Variants in FOXR1 observed in about 807,000 individuals in gnomAD.
FOXR1 encodes the protein forkhead box R1, also known as forkhead box protein R1.
A neutral mutation model predicts 34.5 loss-of-function variants in FOXR1; 25 were observed. The observed-to-expected ratio is 0.72, with a 90% confidence interval of 0.53 to 1.01. FOXR1 has a LOEUF of 1.01. FOXR1 is among the 50% of genes least tolerant of loss of function. The pLI, the probability that FOXR1 is intolerant of heterozygous loss-of-function variation, is 0.00. For missense variants in FOXR1, 373 were observed against 376.2 expected (o/e 0.99, Z 0.07); for synonymous variants, 153 against 141.6 (o/e 1.08, Z -0.57).
At position 118,979,281 on chromosome 11, in the gene FOXR1, C is replaced by G. The variant is rs562857786; in HGVS notation, c.384+77C>G. The G allele has an allele frequency of 2.7e-6, 4 of 1,499,326 alleles. No homozygotes were observed. The South Asian group carries it at 5.5e-5, about 21-fold the overall frequency. 92.9% of individuals were successfully genotyped at this position (1,499,326 alleles called of 1,614,324 possible). ...GGGGAAGAGCCATTACAGTTCTGCT[C>G]TCTTAGCCATAGCAAAAGGTGAATG... On this transcript the variant is annotated intron_variant, in intron 3 of 5. Transcript: ENST00000317011.
intron 1 of FOXR1, among the ~76,000 whole-genome samples, 197 bp from the exon 2 acceptor site, chr11:118,978,585 G>C (rs1941806665): frequency 1.3e-5 from 2 of 152,128 alleles, no homozygotes; most frequent in African/African-American, 4.8e-5. Context: ...AGTATACGTA[G>C]AGTGAGAAGA....
At chr11:118,977,968 C>T (rs895973432) in intron 1 of FOXR1, among the ~76,000 whole-genome samples, 3 of 152,010 alleles carry the variant, frequency 2.0e-5, no homozygotes, top group Non-Finnish European at 4.4e-5. Flanking sequence ...GCCTGTAATC[C>T]CAGCACTTTG....
At chr11:118,973,355 A>ACTG (rs1941738926) in intron 1 of FOXR1, among the ~76,000 whole-genome samples, 2 of 152,278 alleles carry the variant, frequency 1.3e-5, no homozygotes, top group Non-Finnish European at 2.9e-5. Flanking sequence ...CAATGGGGAA[A>ACTG]GAACAGGAGA....
chr11:118,978,469 T>G (rs1212830898), intron 1 of FOXR1, among the ~76,000 whole-genome samples: 1 of 152,158 alleles, frequency 6.6e-6, no homozygotes, highest in African/African-American at 2.4e-5. Flanking sequence ...TAGTTCTCCT[T>G]AAGGGCTAGC....
intron 3 of FOXR1, 83 bp from the exon 4 acceptor site, chr11:118,979,359 T>G (rs781890672): frequency 1.8e-4 from 268 of 1,491,274 alleles, no homozygotes; most frequent in Non-Finnish European, 2.3e-4. Flanking sequence ...AATGGTGGCC[T>G]TAGACCACCC....
In FOXR1 at chr11:118,980,121, G is replaced by A. The variant is rs113612909; in HGVS notation, c.612-369G>A. On this transcript the variant is annotated intron_variant, in intron 4 of 5. Transcript: ENST00000317011. The stretch of plus-strand genomic sequence containing the variant: ...CAGATAGTCCTGCTCACAGGAGGGT[G>A]AGGAAGGGAGTTTCTTGGGCCCTTT... The A allele has an allele frequency of 3.8e-5, 19 of 498,280 alleles. 1 individual carries two copies. The highest frequency in any genetic ancestry group is 2.1e-4 in the African/African-American group (11 of 52,252). 30.9% of individuals were successfully genotyped at this position (498,280 alleles called of 1,614,324 possible).
At chr11:118,980,760 G>A in intron 5 of FOXR1, 32 bp downstream of exon 5, 9 of 1,588,616 alleles carry the variant, frequency 5.7e-6, no homozygotes, top group Non-Finnish European at 7.7e-6. Flanking sequence ...GGGCCCAAGG[G>A]GAAGAGACCT....
Position 118,979,521 on chromosome 11 carries a change from T to G in FOXR1, c.464T>G (p.Leu155Arg), listed in dbSNP as rs1266021030. Residue 155 changes from leucine (L) to arginine (R), a missense_variant, in exon 4 of 6, where the codon CTC (leucine) becomes CGC (arginine). Coordinates refer to ENST00000317011, the MANE Select transcript of FOXR1 (RefSeq NM_181721.3). Reference protein sequence around the residue: ...ALPSPHKRAPLQSRRLRQASS... With the variant: ...ALPSPHKRAPRQSRRLRQASS... ...CCATCCCCTCACAAAAGGGCCCCCC[T>G]CCAGAGTCGGAGGCTTCGGCAAGCC... is the stretch of plus-strand genomic sequence containing the variant. 1 of 1,613,282 alleles carries G rather than the reference T, an allele frequency of 6.2e-7. No homozygotes were observed. The highest frequency in any genetic ancestry group is 1.3e-5 in the African/African-American group (1 of 74,854).
intron 1 of FOXR1, among the ~76,000 whole-genome samples, chr11:118,976,197 A>G (rs1941777587): frequency 7.1e-6 from 1 of 140,578 alleles, no homozygotes; most frequent in African/African-American, 2.6e-5. Flanking sequence ...AATAGCAAAG[A>G]TCATGTTTTT....
At position 118,971,859 on chromosome 11, in the gene FOXR1, G is replaced by A. The variant is rs1941707032; in HGVS notation, c.-73G>A. On this transcript the variant is annotated 5_prime_UTR_variant, in exon 1 of 6. Coordinates refer to ENST00000317011, the MANE Select transcript of FOXR1 (RefSeq NM_181721.3). ...CCGCGCCTCTGCCAGCCCCGAAGGT[G>A]GACGTGAAGCTCCAACACCTCGACT... 3 of 1,498,902 alleles carry A rather than the reference G, an allele frequency of 2.0e-6. No individual in the cohort carries two copies. The highest frequency in any genetic ancestry group is 1.8e-6 in the Non-Finnish European group (2 of 1,101,154). 92.9% of individuals were successfully genotyped at this position (1,498,902 alleles called of 1,614,324 possible). A position where few individuals can be genotyped will look rare whatever the true frequency, so the allele number is the denominator to read the frequency against.
At chr11:118,974,099 T>G (rs1941750454) in intron 1 of FOXR1, among the ~76,000 whole-genome samples, 2 of 152,130 alleles carry the variant, frequency 1.3e-5, no homozygotes, top group South Asian at 4.1e-4. Flanking sequence ...CAGAGGATAC[T>G]TGAAGGGAAA....
chr11:118,981,211 T>A lies in FOXR1; in HGVS notation c.854T>A (p.Val285Glu). ...GAACTCTCTCCTTTTCTTACAGATG[T>A]GATGCCCTTCCTCTTTGATCTTTAA... ...SIQQCMSQPD[V>E]MPFLFDL The change falls in exon 6 of 6, where the codon GTG becomes GAG. Residue 285 changes from valine to glutamate, a missense_variant. Transcript: ENST00000317011. 6.2e-7 allele frequency: 1 copy of A among 1,614,186 alleles called. No individual in the cohort carries two copies. The highest frequency in any genetic ancestry group is 8.5e-7 in the Non-Finnish European group (1 of 1,180,008).
chr11:118,972,139 C>CT (rs1295660295), intron 1 of FOXR1, 147 bp downstream of exon 1: 2 of 705,114 alleles, frequency 2.8e-6, no homozygotes, highest in Non-Finnish European at 4.5e-6. Flanking sequence ...GCCCCCCCCC[C>CT]CCGACGGCTT....
chr11:118,972,400 A>G lies in FOXR1; in HGVS notation c.61+408A>G, dbSNP rs148084567. ...TTCAGTTACTTTTCCGTCTCTTAAAAAAACAGGCCTCATCGTTTTATCCAT... is the reference window on the plus strand; with the variant it reads ...TTCAGTTACTTTTCCGTCTCTTAAAGAAACAGGCCTCATCGTTTTATCCAT... On this transcript the variant is annotated intron_variant, in intron 1 of 5. Transcript: ENST00000317011. Among the ~76,000 whole-genome samples the G allele has an allele frequency of 3.3e-3, 499 of 152,186 alleles. 1 individual carries two copies. The highest frequency in any genetic ancestry group is 0.011 in the African/African-American group (477 of 41,540).
chr11:118,972,585 T>G (rs1244982256), intron 1 of FOXR1, among the ~76,000 whole-genome samples: 6 of 151,588 alleles, frequency 4.0e-5, no homozygotes, highest in Non-Finnish European at 8.8e-5. Context: ...CATGGTACCT[T>G]TTCGCCTGCA....
chr11:118,973,805 T>C (rs1190596522), intron 1 of FOXR1, among the ~76,000 whole-genome samples: 9 of 151,940 alleles, frequency 5.9e-5, no homozygotes, highest in African/African-American at 1.7e-4. Flanking sequence ...GCGATTCTTG[T>C]GCTTCAGCCT....
At chr11:118,974,221 A>T (rs139373119) in intron 1 of FOXR1, among the ~76,000 whole-genome samples, 5 of 152,252 alleles carry the variant, frequency 3.3e-5, no homozygotes, top group African/African-American at 1.2e-4. Flanking sequence ...GAGTCAGATG[A>T]GGATTGATTG....
chr11:118,978,892 T>A (rs1406570108), intron 2 of FOXR1, 36 bp downstream of exon 2: 2 of 1,614,198 alleles, frequency 1.2e-6, no homozygotes, highest in Non-Finnish European at 1.7e-6. Context: ...TTCTGTGGCC[T>A]GGGCTGGAGA....
In FOXR1 at chr11:118,972,194, G is replaced by C. The variant is rs1297661648; in HGVS notation, c.61+202G>C. Among the ~76,000 whole-genome samples the C allele has an allele frequency of 2.6e-5, 4 of 151,018 alleles. No individual in the cohort carries two copies. The East Asian group carries it at 7.9e-4, about 30-fold the overall frequency. On this transcript the variant is annotated intron_variant, in intron 1 of 5. Transcript: ENST00000317011. ...CACCCCCACTCGCGAACTCTACTCG[G>C]GAGTGGTTTGGGGGGTGGGGGGGTT...
Sources: gnomAD v4.1 joint callset for allele counts (sites outside exome capture counted in the v4.1 genomes callset) on GRCh38, gnomAD v4.1.1 for gene constraint, MANE v1.5 for transcripts, NCBI Gene and HGNC (gene_info 2026-07-23, HGNC 2026-07-21) for gene names.